SPSB1: variants seen among roughly 807,000 people sequenced by gnomAD.
SPSB1 encodes SPRY domain-containing SOCS box protein 1.
SPSB1 carries 8 observed loss-of-function variants against 21.2 expected under a neutral mutation model. The ratio of observed to expected loss-of-function variants is 0.38; its 90% CI spans 0.22 to 0.68. SPSB1 has a LOEUF of 0.68. Among genes scored for constraint, SPSB1 ranks in the 30% least tolerant of loss-of-function variants. The probability of loss-of-function intolerance (pLI) is 0.53; values close to 1 mark genes in which losing one functional copy is unlikely to be tolerated. For missense variants in SPSB1, 242 were observed against 377.8 expected, an observed-to-expected ratio of 0.64 and a Z score of 2.98; for synonymous variants, 169 against 161.7, an observed-to-expected ratio of 1.05 and a Z score of -0.34.
rs1640200750 is a variant in SPSB1 at position 9,348,542 on chromosome 1, C to T, written c.-149-7201C>T. Among the ~76,000 whole-genome samples, 1 of 152,052 alleles carries T rather than the reference C, an allele frequency of 6.6e-6. No individual in the cohort carries two copies. Among genetic ancestry groups the T allele is most frequent in the East Asian group, 1.9e-4 (1 of 5,168 alleles). On this transcript the variant is annotated intron_variant, in intron 1 of 2. Coordinates refer to ENST00000328089, the MANE Select transcript of SPSB1 (RefSeq NM_025106.4). This position sits in a 1 kb window ranked among gnomAD's most constrained non-coding sequence, Gnocchi z 4.8. ...GGATGCTTTTGACTCCTCCCCATCCCCTGGGATCAGCATTCATTTCCAGGC... is the reference window on the plus strand; with the variant it reads ...GGATGCTTTTGACTCCTCCCCATCCTCTGGGATCAGCATTCATTTCCAGGC...
intron 1 of SPSB1, among the ~76,000 whole-genome samples, chr1:9,319,953 A>C (rs370206762): frequency 6.6e-5 from 10 of 152,040 alleles, no homozygotes; most frequent in African/African-American, 2.4e-4. Flanking sequence ...TGAGCTGGCC[A>C]CCTGCAGGCC....
chr1:9,340,605 G>A (rs1455820798), intron 1 of SPSB1, among the ~76,000 whole-genome samples: 1 of 152,252 alleles, frequency 6.6e-6, no homozygotes, highest in East Asian at 1.9e-4. Flanking sequence ...GCGGGAAGAT[G>A]GCAGCCTGTG....
chr1:9,320,334 T>G (rs897498236), intron 1 of SPSB1, among the ~76,000 whole-genome samples: 1 of 152,150 alleles, frequency 6.6e-6, no homozygotes, highest in Non-Finnish European at 1.5e-5. Context: ...CTGTGTCGCC[T>G]CCTCCATCCC....
Position 9,348,437 on chromosome 1 carries a change from G to A in SPSB1, c.-149-7306G>A, listed in dbSNP as rs1640199675. Among the ~76,000 whole-genome samples the A allele has an allele frequency of 6.6e-6, 1 of 151,936 alleles. No homozygotes were observed. The highest frequency in any genetic ancestry group is 2.4e-5 in the African/African-American group (1 of 41,354). Reference sequence around the variant, plus strand: ...GCTCCCTCAGCCTTCAGAGAGAATGGCTGCCCTAGATCATTAAAGGCTGAA... The same window carrying A: ...GCTCCCTCAGCCTTCAGAGAGAATGACTGCCCTAGATCATTAAAGGCTGAA... On this transcript the variant is annotated intron_variant, in intron 1 of 2. Coordinates refer to ENST00000328089, the MANE Select transcript of SPSB1 (RefSeq NM_025106.4). This position sits in a 1 kb window ranked among gnomAD's most constrained non-coding sequence, Gnocchi z 4.8.
chr1:9,303,534 C>T (rs78995222), intron 1 of SPSB1, among the ~76,000 whole-genome samples: 4,410 of 152,294 alleles, frequency 0.029, 152 homozygotes, highest in African/African-American at 0.081. Flanking sequence ...TCCTCTCTTA[C>T]TCCTTATTCT....
At chr1:9,364,193 C>A (rs897165824) in intron 2 of SPSB1, among the ~76,000 whole-genome samples, 1 of 152,216 alleles carries the variant, frequency 6.6e-6, no homozygotes, top group Non-Finnish European at 1.5e-5. Context: ...GAGCCACATT[C>A]TCCCGGGAGG....
At chr1:9,350,428 T>C (rs1350937427) in intron 1 of SPSB1, among the ~76,000 whole-genome samples, 1 of 151,724 alleles carries the variant, frequency 6.6e-6, no homozygotes, top group Non-Finnish European at 1.5e-5. Flanking sequence ...AATGCAAGAG[T>C]GTGCTTTTGG....
chr1:9,361,859 G>A (rs964368915), intron 2 of SPSB1, among the ~76,000 whole-genome samples: 1 of 152,204 alleles, frequency 6.6e-6, no homozygotes, highest in Non-Finnish European at 1.5e-5. Flanking sequence ...ATGTGGAAAG[G>A]CCTGTTTGCA....
chr1:9,364,629 A>C (rs985195041), intron 2 of SPSB1, among the ~76,000 whole-genome samples: 2 of 152,132 alleles, frequency 1.3e-5, no homozygotes, highest in African/African-American at 4.8e-5. Context: ...TCATTCCTCC[A>C]TTCGTCTCCA....
At position 9,324,522 on chromosome 1, in the gene SPSB1, G is replaced by A. The variant is rs1035102709; in HGVS notation, c.-149-31221G>A. On this transcript the variant is annotated intron_variant, in intron 1 of 2. Coordinates refer to ENST00000328089, the MANE Select transcript of SPSB1 (RefSeq NM_025106.4). The surrounding 1 kb of genome is among the most constrained non-coding windows in gnomAD (Gnocchi z 4.3). ...TCGGAGGGCTGTGGGCCCGGGACTC[G>A]GTGTGTCCGATGAGGAAACCAGCTT... Among the ~76,000 whole-genome samples the A allele has an allele frequency of 2.6e-5, 4 of 152,090 alleles. No individual in the cohort carries two copies. Among genetic ancestry groups the A allele is most frequent in the Admixed American group, 6.5e-5 (1 of 15,276 alleles).
chr1:9,304,293 A>C (rs949575257), intron 1 of SPSB1, among the ~76,000 whole-genome samples: 2 of 151,770 alleles, frequency 1.3e-5, no homozygotes, highest in Non-Finnish European at 2.9e-5. Context: ...GCTGAGCCAC[A>C]CTCCTGGCTC....
chr1:9,321,920 GA>G lies in SPSB1; in HGVS notation c.-150+28850del, dbSNP rs1639727761. 6.6e-6 allele frequency among the ~76,000 whole-genome samples: 1 copy of G among 152,182 alleles called. No homozygotes were observed. Among genetic ancestry groups the G allele is most frequent in the Non-Finnish European group, 1.5e-5 (1 of 68,024 alleles). On this transcript the variant is annotated intron_variant, in intron 1 of 2. Transcript: ENST00000328089. This position sits in a 1 kb window ranked among gnomAD's most constrained non-coding sequence, Gnocchi z 4.8. ...AAGATTAATACCCGTAGGTGCCATT[GA>G]CGAGTGATCCTGCTCTGGGCTCTCC...
intron 1 of SPSB1, 100 bp from the exon 2 acceptor site, chr1:9,355,643 G>A (rs1479694286): frequency 1.6e-6 from 2 of 1,218,574 alleles, no homozygotes; most frequent in African/African-American, 1.6e-5. Context: ...CCAGGTGCAG[G>A]CTGCTGGGAC....
At chr1:9,323,704 T>C (rs921222519) in intron 1 of SPSB1, among the ~76,000 whole-genome samples, 18 of 152,136 alleles carry the variant, frequency 1.2e-4, no homozygotes, top group African/African-American at 4.3e-4. Context: ...GTTGGGCAGA[T>C]TCTGGGGATT....
chr1:9,358,343 C>G (rs955771710), intron 2 of SPSB1, among the ~76,000 whole-genome samples: 2 of 152,216 alleles, frequency 1.3e-5, no homozygotes, highest in Non-Finnish European at 2.9e-5. Flanking sequence ...TCTGTGCAGC[C>G]TGGCGCCCCC....
At chr1:9,340,374 G>A (rs562978219) in intron 1 of SPSB1, among the ~76,000 whole-genome samples, 10 of 152,328 alleles carry the variant, frequency 6.6e-5, no homozygotes, top group East Asian at 3.9e-4. Context: ...CCCAGCTGCC[G>A]ATACAATTAA....
intron 1 of SPSB1, among the ~76,000 whole-genome samples, chr1:9,335,516 G>A (rs1372299992): frequency 2.2e-5 from 3 of 136,300 alleles, no homozygotes; most frequent in Non-Finnish European, 3.2e-5. Flanking sequence ...AAAAAAAAAA[G>A]ATCGTTGTGG....
rs1639713380 is a variant in SPSB1 at position 9,320,930 on chromosome 1, C to T, written c.-150+27859C>T. 2.0e-5 allele frequency among the ~76,000 whole-genome samples: 3 copies of T among 151,094 alleles called. No individual in the cohort carries two copies. In the South Asian group the frequency reaches 6.4e-4, roughly 32 times the overall value. On this transcript the variant is annotated intron_variant, in intron 1 of 2. Transcript: ENST00000328089. The stretch of plus-strand genomic sequence containing the variant: ...GGGAGGGGCCAAACCCCTCCCCCTG[C>T]CAGGCTCCAGTGGAAGGTCCCCCTC...
intron 1 of SPSB1, among the ~76,000 whole-genome samples, chr1:9,303,282 C>G (rs1222822183): frequency 6.6e-6 from 1 of 152,188 alleles, no homozygotes; most frequent in African/African-American, 2.4e-5. Context: ...GACTCAGACC[C>G]TTCAGGAATG....
Sources: gnomAD v4.1 joint callset for allele counts (sites outside exome capture counted in the v4.1 genomes callset) on GRCh38, gnomAD v4.1.1 for gene constraint, Gnocchi (gnomAD v3.1) non-coding constraint, MANE v1.5 for transcripts, NCBI Gene and HGNC (gene_info 2026-07-23, HGNC 2026-07-21) for gene names.